CAPZA2: variants seen among roughly 807,000 people sequenced by gnomAD.
CAPZA2 encodes F-actin-capping protein subunit alpha-2.
CAPZA2 carries 13 observed loss-of-function variants against 44.0 expected under a neutral mutation model. That is an observed-to-expected ratio of 0.30 (90% CI 0.19 to 0.47). CAPZA2 has a LOEUF of 0.47. Ranked by LOEUF, CAPZA2 falls within the 20% of genes least tolerant of loss-of-function variation. The pLI is 1.00. For synonymous variants in CAPZA2, 94 were observed against 108.2 expected, an observed-to-expected ratio of 0.87 and a Z score of 0.81; for missense variants, 244 against 338.6, an observed-to-expected ratio of 0.72 and a Z score of 2.19.
intron 5 of CAPZA2, among the ~76,000 whole-genome samples, chr7:116,905,337 A>G (rs1475380464): frequency 6.6e-6 from 1 of 152,042 alleles, no homozygotes; most frequent in African/African-American, 2.4e-5. Flanking sequence ...CCTGCTTGAA[A>G]TCCTTCAGAG....
At chr7:116,893,288 G>A (rs930724577) in intron 3 of CAPZA2, among the ~76,000 whole-genome samples, 5 of 151,894 alleles carry the variant, frequency 3.3e-5, no homozygotes, top group African/African-American at 4.8e-5. Flanking sequence ...GCACCACCAC[G>A]CCTGGCTAAT....
chr7:116,916,281 G>A lies in CAPZA2; in HGVS notation c.720+159G>A, dbSNP rs375856776. On this transcript the variant is annotated intron_variant, in intron 9 of 9. Coordinates refer to ENST00000361183, the MANE Select transcript of CAPZA2 (RefSeq NM_006136.3). ...CAAAGGCAGACTTACTAATGTGTAG[G>A]CAAAAAGAGTGGCAAGTAAATTGAA... Among the ~76,000 whole-genome samples, 8 of 152,118 alleles carry A rather than the reference G, an allele frequency of 5.3e-5. No homozygotes were observed. The East Asian group carries it at 9.7e-4, about 18-fold the overall frequency.
At chr7:116,883,521 G>C (rs1796725170) in intron 1 of CAPZA2, among the ~76,000 whole-genome samples, 1 of 152,178 alleles carries the variant, frequency 6.6e-6, no homozygotes, top group Non-Finnish European at 1.5e-5. Context: ...CCAGATTAAA[G>C]TATTTCAGGC....
chr7:116,916,095 T>A lies in CAPZA2; in HGVS notation c.693T>A (p.Ile231=), dbSNP rs1791676084. 1.3e-6 allele frequency: 2 copies of A among 1,543,924 alleles called. No individual in the cohort carries two copies. The highest frequency in any genetic ancestry group is 2.8e-5 in the African/African-American group (2 of 71,170). Residue 231 remains isoleucine, a synonymous_variant, in exon 9 of 10, where the codon ATT becomes ATA. Coordinates refer to ENST00000361183, the MANE Select transcript of CAPZA2 (RefSeq NM_006136.3). The part of the protein sequence containing the change: ...EVQTAKEFIK[I]VEAAENEYQT... Reference sequence around the variant, plus strand: ...AAACAGCAAAAGAATTTATAAAGATTGTAGAAGCTGCAGAAAATGAATACC... The same window carrying A: ...AAACAGCAAAAGAATTTATAAAGATAGTAGAAGCTGCAGAAAATGAATACC...
chr7:116,868,948 A>G (rs1327407093), intron 1 of CAPZA2, among the ~76,000 whole-genome samples: 3 of 152,216 alleles, frequency 2.0e-5, no homozygotes, highest in Admixed American at 2.0e-4. Context: ...ATTTGTAGTA[A>G]ATTTTCAGTG....
At chr7:116,914,757 C>A (rs910151750) in intron 8 of CAPZA2, among the ~76,000 whole-genome samples, 2 of 152,152 alleles carry the variant, frequency 1.3e-5, no homozygotes, top group African/African-American at 4.8e-5. Flanking sequence ...ACACCCAGCC[C>A]CTGAAGCTAT....
At chr7:116,912,452 T>TAGCAATAAAAAAATCTTAAAA (rs1462622914) in intron 8 of CAPZA2, among the ~76,000 whole-genome samples, 1 of 152,160 alleles carries the variant, frequency 6.6e-6, no homozygotes, top group African/African-American at 2.4e-5. Context: ...AAAGAAACAC[T>TAGCAATAAAAAAATCTTAAAA]GTACCATTAG....
chr7:116,873,731 A>C (rs943282670), intron 1 of CAPZA2: 1 of 155,834 alleles, frequency 6.4e-6, no homozygotes, highest in African/African-American at 2.4e-5. Context: ...ATAAAACTGA[A>C]GTAGCACTAC....
At chr7:116,887,703 C>T (rs1399809612) in intron 1 of CAPZA2, among the ~76,000 whole-genome samples, 2 of 152,176 alleles carry the variant, frequency 1.3e-5, no homozygotes, top group African/African-American at 2.4e-5. Flanking sequence ...CATGGCGGCA[C>T]GCGCCTGTAG....
chr7:116,878,958 TCTG>T (rs1796654196), intron 1 of CAPZA2, among the ~76,000 whole-genome samples: 1 of 151,706 alleles, frequency 6.6e-6, no homozygotes, highest in Non-Finnish European at 1.5e-5. Context: ...AAACCCCATC[TCTG>T]CTAAAAATAC....
intron 1 of CAPZA2, among the ~76,000 whole-genome samples, chr7:116,879,488 A>T (rs1284074941): frequency 6.6e-6 from 1 of 152,160 alleles, no homozygotes; most frequent in African/African-American, 2.4e-5. Context: ...GTGGGGATGG[A>T]TGGGGGAATG....
chr7:116,863,059 G>A (rs1796439132), intron 1 of CAPZA2, among the ~76,000 whole-genome samples: 1 of 152,150 alleles, frequency 6.6e-6, no homozygotes. Flanking sequence ...AGCGGCCCAA[G>A]GGCAGTGCCC....
intron 5 of CAPZA2, among the ~76,000 whole-genome samples, chr7:116,904,996 G>A (rs1201876751): frequency 9.3e-6 from 1 of 107,508 alleles, no homozygotes; most frequent in Non-Finnish European, 2.1e-5. Flanking sequence ...AAAACAATTA[G>A]CCGGGCGTGG....
intron 4 of CAPZA2, among the ~76,000 whole-genome samples, chr7:116,903,271 T>TGTAC (rs759130292): frequency 6.9e-6 from 1 of 145,156 alleles, no homozygotes; most frequent in Non-Finnish European, 1.5e-5. Flanking sequence ...TGTGTGTGTG[T>TGTAC]ACGTACACAC....
At chr7:116,872,394 AAAG>A (rs1796564364) in intron 1 of CAPZA2, among the ~76,000 whole-genome samples, 1 of 152,210 alleles carries the variant, frequency 6.6e-6, no homozygotes, top group Admixed American at 6.5e-5. Context: ...AAACATATTT[AAAG>A]AAGAATCAAT....
At chr7:116,909,275 T>C (rs1007076960) in intron 6 of CAPZA2, among the ~76,000 whole-genome samples, 1 of 152,116 alleles carries the variant, frequency 6.6e-6, no homozygotes, top group East Asian at 1.9e-4. Context: ...TATTATATAA[T>C]GTTCAAAAAA....
intron 8 of CAPZA2, among the ~76,000 whole-genome samples, chr7:116,915,181 T>C (rs1791663229): frequency 6.6e-6 from 1 of 152,066 alleles, no homozygotes; most frequent in African/African-American, 2.4e-5. Context: ...CACATTCCTA[T>C]AGTTCCAGCT....
chr7:116,884,475 GTTTA>G (rs999193435), intron 1 of CAPZA2, among the ~76,000 whole-genome samples: 4 of 151,656 alleles, frequency 2.6e-5, no homozygotes, highest in Non-Finnish European at 2.9e-5. Context: ...CTCTAATATT[GTTTA>G]TTTGAGAATG....
chr7:116,905,249 C>T (rs569774823), intron 5 of CAPZA2, among the ~76,000 whole-genome samples: 181 of 152,028 alleles, frequency 1.2e-3, no homozygotes, highest in African/African-American at 4.2e-3. Context: ...GCTTTTTTAG[C>T]ACCCCCAGTT....
Sources: gnomAD v4.1 joint callset for allele counts (sites outside exome capture counted in the v4.1 genomes callset) on GRCh38, gnomAD v4.1.1 for gene constraint, MANE v1.5 for transcripts, NCBI Gene and HGNC (gene_info 2026-07-23, HGNC 2026-07-21) for gene names.